Variants in GRM7 observed in about 807,000 individuals in gnomAD.
The protein encoded by GRM7 is glutamate metabotropic receptor 7.
In GRM7, 35 loss-of-function variants were observed where a neutral mutation model predicts 84.5. The ratio of observed to expected loss-of-function variants is 0.41; its 90% CI spans 0.32 to 0.55. The LOEUF is 0.55. Ranked by LOEUF, GRM7 falls within the 20% of genes least tolerant of loss-of-function variation. GRM7 has a pLI of 0.19. For synonymous variants in GRM7, 487 were observed against 455.1 expected (o/e 1.07, Z -0.89); for missense variants, 1,003 against 1,194.6 (o/e 0.84, Z 2.36).
chr3:7,370,936 C>G (rs1188337157), intron 4 of GRM7, among the ~76,000 whole-genome samples: 1 of 152,158 alleles, frequency 6.6e-6, no homozygotes, highest in Non-Finnish European at 1.5e-5. Context: ...TTAATCTATG[C>G]TTACATTTCC....
chr3:7,186,697 C>G (rs1162350837), intron 2 of GRM7, among the ~76,000 whole-genome samples: 1 of 152,118 alleles, frequency 6.6e-6, no homozygotes. Flanking sequence ...TTTAATGTGT[C>G]ATTGTCATAA....
At chr3:7,162,111 T>C (rs1013404028) in intron 2 of GRM7, among the ~76,000 whole-genome samples, 5 of 152,198 alleles carry the variant, frequency 3.3e-5, no homozygotes, top group African/African-American at 9.6e-5. Flanking sequence ...GAGCCCTATT[T>C]TAGACTTGTG....
chr3:6,974,025 C>T (rs1001034977), intron 1 of GRM7, among the ~76,000 whole-genome samples: 6 of 152,170 alleles, frequency 3.9e-5, no homozygotes, highest in African/African-American at 1.2e-4. Context: ...GATGGTAGCT[C>T]AGACCAGAGT....
chr3:7,300,362 A>G (rs1357373085), intron 3 of GRM7, among the ~76,000 whole-genome samples: 1 of 152,166 alleles, frequency 6.6e-6, no homozygotes, highest in Non-Finnish European at 1.5e-5. Context: ...AGCTCTGACC[A>G]CAGGTGTGGT....
At position 7,605,459 on chromosome 3, in the gene GRM7, T is replaced by TG. The variant is rs1227907860; in HGVS notation, c.2451+26103dup. On this transcript the variant is annotated intron_variant, in intron 8 of 9. Coordinates refer to ENST00000357716, the MANE Select transcript of GRM7 (RefSeq NM_000844.4). ...GGCTATTTTCAAAGAACAGAGGGAA[T>TG]GCTATATACGATTTATACAAATAGT... Among the ~76,000 whole-genome samples, 6 of 152,162 alleles carry TG rather than the reference T, an allele frequency of 3.9e-5. No homozygotes were observed. The East Asian group carries it at 9.6e-4, about 24-fold the overall frequency.
At chr3:7,002,306 G>T (rs770555566) in intron 1 of GRM7, among the ~76,000 whole-genome samples, 20 of 152,156 alleles carry the variant, frequency 1.3e-4, no homozygotes, top group Non-Finnish European at 2.6e-4. Flanking sequence ...TATTAGACTT[G>T]GGTTCCTCTA....
chr3:6,890,818 T>A (rs1282102837), intron 1 of GRM7, among the ~76,000 whole-genome samples: 1 of 152,172 alleles, frequency 6.6e-6, no homozygotes, highest in Non-Finnish European at 1.5e-5. Context: ...ATCTGTCTAA[T>A]GTTGACAGTG....
At chr3:7,010,642 C>T (rs1695338318) in intron 1 of GRM7, among the ~76,000 whole-genome samples, 1 of 152,110 alleles carries the variant, frequency 6.6e-6, no homozygotes, top group Non-Finnish European at 1.5e-5. Flanking sequence ...AGGATTTTTG[C>T]TTAAGTAGAA....
intron 7 of GRM7, among the ~76,000 whole-genome samples, chr3:7,521,661 C>T (rs76748542): frequency 0.011 from 1,640 of 152,266 alleles, 17 homozygotes; most frequent in African/African-American, 0.034. Context: ...TATCCCTCCA[C>T]ATGACATACT....
chr3:7,507,333 A>C (rs79211692), intron 7 of GRM7, among the ~76,000 whole-genome samples: 1 of 152,204 alleles, frequency 6.6e-6, no homozygotes. Context: ...GCAAATACCA[A>C]CTATATATTT....
At chr3:6,917,717 G>A (rs1010822413) in intron 1 of GRM7, among the ~76,000 whole-genome samples, 3 of 151,996 alleles carry the variant, frequency 2.0e-5, no homozygotes, top group Non-Finnish European at 4.4e-5. Flanking sequence ...GCCTAGAAAT[G>A]AAATGTAGTA....
At chr3:7,400,241 C>T (rs1044277114) in intron 4 of GRM7, among the ~76,000 whole-genome samples, 8 of 152,116 alleles carry the variant, frequency 5.3e-5, no homozygotes, top group Non-Finnish European at 1.0e-4. Flanking sequence ...TTTACATTTC[C>T]AAGTGTTGTA....
chr3:7,555,768 C>T (rs917881431), intron 7 of GRM7, among the ~76,000 whole-genome samples: 4 of 152,122 alleles, frequency 2.6e-5, no homozygotes, highest in Admixed American at 6.5e-5. Flanking sequence ...CACCTCAAGT[C>T]ATTACTCTGC....
chr3:7,611,780 C>A (rs1323582557), intron 8 of GRM7, among the ~76,000 whole-genome samples: 1 of 151,984 alleles, frequency 6.6e-6, no homozygotes, highest in African/African-American at 2.4e-5. Flanking sequence ...TCCCAGGTGA[C>A]CTACATATGC....
intron 5 of GRM7, among the ~76,000 whole-genome samples, chr3:7,428,254 A>G (rs976574083): frequency 6.6e-6 from 1 of 152,170 alleles, no homozygotes; most frequent in South Asian, 2.1e-4. Context: ...GTGTAGGGAA[A>G]GAATGTGGGC....
chr3:7,102,174 G>A (rs1023482270), intron 1 of GRM7, among the ~76,000 whole-genome samples: 34 of 151,772 alleles, frequency 2.2e-4, no homozygotes, highest in African/African-American at 8.0e-4. Flanking sequence ...GCCTAAAAAA[G>A]TGGTTTTAGC....
At chr3:7,683,181 T>C (rs162800) in intron 9 of GRM7, among the ~76,000 whole-genome samples, 93,229 of 152,012 alleles carry the variant, frequency 0.61, 29,432 homozygotes, top group East Asian at 0.92. Flanking sequence ...TTAAACATAC[T>C]GTAACGTATT....
At position 7,415,149 on chromosome 3, in the gene GRM7, A is replaced by G. The variant is rs1559306283; in HGVS notation, c.1160A>G (p.Asp387Gly). Residue 387 changes from aspartate to glycine, a missense_variant, in exon 5 of 10, where the codon GAT (aspartate) becomes GGT (glycine). Physicochemically the swap from Asp to Gly is moderately conservative, Grantham distance 94. Coordinates refer to ENST00000357716, the MANE Select transcript of GRM7 (RefSeq NM_000844.4). Reference protein sequence around the residue: ...TISGSKKEDTDRKCTGQERIG... With the variant: ...TISGSKKEDTGRKCTGQERIG... Reference sequence around the variant, plus strand: ...AGTGGGTCAAAAAAAGAAGACACAGATCGCAAATGCACAGGTAATTTAATT... The same window carrying G: ...AGTGGGTCAAAAAAAGAAGACACAGGTCGCAAATGCACAGGTAATTTAATT... 1 of 1,613,114 alleles carries G rather than the reference A, an allele frequency of 6.2e-7. No individual in the cohort carries two copies. Among genetic ancestry groups the G allele is most frequent in the Non-Finnish European group, 8.5e-7 (1 of 1,179,182 alleles).
intron 5 of GRM7, among the ~76,000 whole-genome samples, chr3:7,448,393 C>G (rs958421844): frequency 6.6e-6 from 1 of 152,106 alleles, no homozygotes; most frequent in Admixed American, 6.5e-5. Flanking sequence ...ATCCCTTGTT[C>G]CTAAACCAGT....
Sources: allele counts gnomAD v4.1 joint callset (sites outside exome capture counted in the v4.1 genomes callset), GRCh38; gene constraint gnomAD v4.1.1; transcripts MANE v1.5; gene names NCBI Gene and HGNC (gene_info 2026-07-23, HGNC 2026-07-21).